The following ERMP1 variants were observed in gnomAD, a reference collection of about 807,000 sequenced individuals.
ERMP1 encodes endoplasmic reticulum metallopeptidase 1.
A neutral mutation model predicts 92.0 loss-of-function variants in ERMP1; 86 were observed. The ratio of observed to expected loss-of-function variants is 0.93; its 90% CI spans 0.79 to 1.12. ERMP1 has a LOEUF of 1.12. ERMP1 is among the 50% of genes most tolerant of loss of function. The pLI is 0.00. For synonymous variants in ERMP1, 530 were observed against 412.8 expected (o/e 1.28, Z -3.44); for missense variants, 1,342 against 1,116.3 (o/e 1.20, Z -2.88).
Position 5,832,872 on chromosome 9 carries a change from C to CA in ERMP1, c.155_156insT (p.Arg52SerfsTer6), listed in dbSNP as rs1363979269. ...TCGCGCCGCCGCTACCCCCGGGGCT[C>CA]CTCTTCCGCGTCCTCCCGCCGCCGC... On this transcript the variant is annotated frameshift_variant, in exon 1 of 15. Coordinates refer to ENST00000339450, the MANE Select transcript of ERMP1 (RefSeq NM_024896.3). LOFTEE classifies it high-confidence loss of function. 14 of 1,528,132 alleles carry CA rather than the reference C, an allele frequency of 9.2e-6. No individual in the cohort carries two copies. Among genetic ancestry groups the CA allele is most frequent in the Non-Finnish European group, 1.2e-5 (14 of 1,147,306 alleles). The allele number at this position is 1,528,132 out of a possible 1,614,324, so 94.7% of individuals were successfully genotyped here.
chr9:5,848,137 ACCTTTGAACGTATT>A, intron 6 of ERMP1, among the ~76,000 whole-genome samples: 2 of 152,250 alleles, frequency 1.3e-5, no homozygotes, highest in Middle Eastern at 3.4e-3. Flanking sequence ...AATCCACAAG[ACCTTTGAACGTATT>A]CCTTTACTTG....
chr9:5,853,315 T>C (rs529120111), intron 6 of ERMP1, among the ~76,000 whole-genome samples: 1 of 152,298 alleles, frequency 6.6e-6, no homozygotes, highest in East Asian at 1.9e-4. Flanking sequence ...TATTTCTCCA[T>C]TGCTTTCAGC....
At chr9:5,834,178 C>T (rs1424023956), upstream of ERMP1, among the ~76,000 whole-genome samples, 5 of 152,328 alleles carry the variant, frequency 3.3e-5, no homozygotes, top group East Asian at 3.9e-4. Flanking sequence ...ACTTCCTGCA[C>T]GCATCTTTCC....
chr9:5,794,373 A>C (rs1828327932), intron 13 of ERMP1, among the ~76,000 whole-genome samples: 1 of 152,110 alleles, frequency 6.6e-6, no homozygotes, highest in African/African-American at 2.4e-5. Context: ...CCACCTTAAT[A>C]AACTAAAAAA....
chr9:5,832,791 GAGCGCGA>G lies in ERMP1; in HGVS notation c.230_236del (p.Leu77ProfsTer3). ...CCAGCGTCCGCAGCGCGATCAGGTAGAGCGCGAGCCCCAGCGCGGCGCGCACCTCAGA... is the reference window on the plus strand; with the variant it reads ...CCAGCGTCCGCAGCGCGATCAGGTAGGCCCCAGCGCGGCGCGCACCTCAGA... On this transcript the variant is annotated frameshift_variant, in exon 1 of 15. Transcript: ENST00000339450. LOFTEE classifies it high-confidence loss of function. 1 of 1,502,320 alleles carries G rather than the reference GAGCGCGA, an allele frequency of 6.7e-7. No homozygotes were observed. The highest frequency in any genetic ancestry group is 8.8e-7 in the Non-Finnish European group (1 of 1,133,818). 93.1% of individuals were successfully genotyped at this position (1,502,320 alleles called of 1,614,324 possible). A position where few individuals can be genotyped will look rare whatever the true frequency, so the allele number is the denominator to read the frequency against.
chr9:5,859,804 G>A (rs187840104), intron 5 of ERMP1, among the ~76,000 whole-genome samples: 1 of 152,126 alleles, frequency 6.6e-6, no homozygotes, highest in Admixed American at 6.5e-5. Flanking sequence ...CTGAGTGACT[G>A]CTATTCCTCA....
intron 6 of ERMP1, among the ~76,000 whole-genome samples, chr9:5,850,118 C>T (rs4501637): frequency 5.9e-5 from 9 of 151,794 alleles, no homozygotes; most frequent in South Asian, 2.1e-4. Context: ...GGTCTCCCCC[C>T]CTTTACACTC....
chr9:5,818,095 G>A (rs1426810464), intron 4 of ERMP1, among the ~76,000 whole-genome samples: 1 of 151,500 alleles, frequency 6.6e-6, no homozygotes, highest in Non-Finnish European at 1.5e-5. Context: ...CCAGGAGCTG[G>A]AGAACTGTGA....
chr9:5,802,255 T>C lies in ERMP1; in HGVS notation c.1915-927A>G, dbSNP rs75736737. Among the ~76,000 whole-genome samples, 1,335 of 152,314 alleles carry C rather than the reference T, an allele frequency of 8.8e-3. 12 individuals carry two copies. Among genetic ancestry groups the C allele is most frequent in the Middle Eastern group, 0.02 (6 of 294 alleles). The stretch of plus-strand genomic sequence containing the variant: ...GTGTGACCTAAGGCTAGTACTGTTT[T>C]GCTGCAGATGCCTCTGGATGGAATA... On this transcript the variant is annotated intron_variant, in intron 10 of 14. Transcript: ENST00000339450.
chr9:5,861,354 A>G (rs1478160791), intron 5 of ERMP1, among the ~76,000 whole-genome samples: 1 of 152,026 alleles, frequency 6.6e-6, no homozygotes, highest in African/African-American at 2.4e-5. Flanking sequence ...TTAAGGAAAT[A>G]TATTCTACAC....
intron 6 of ERMP1, among the ~76,000 whole-genome samples, chr9:5,842,144 T>G (rs1289061337): frequency 2.6e-5 from 4 of 152,196 alleles, no homozygotes; most frequent in African/African-American, 9.7e-5. Context: ...GCAAGGGGAC[T>G]GGAGCAGGTT....
At chr9:5,825,064 C>A (rs1281994413) in intron 3 of ERMP1, 28 bp downstream of exon 3, 2 of 1,607,190 alleles carry the variant, frequency 1.2e-6, no homozygotes, top group East Asian at 2.2e-5. Flanking sequence ...CTTATTCAAG[C>A]CTGATATTTA....
In ERMP1 at chr9:5,805,197, C is replaced by T; in HGVS notation, c.1744G>A (p.Ala582Thr). 1 of 1,605,286 alleles carries T rather than the reference C, an allele frequency of 6.2e-7. No homozygotes were observed. Among genetic ancestry groups the T allele is most frequent in the South Asian group, 1.1e-5 (1 of 89,222 alleles). Residue 582 changes from alanine (A) to threonine (T), a missense_variant, in exon 10 of 15, where the codon GCT (alanine) becomes ACT (threonine). Coordinates refer to ENST00000339450, the MANE Select transcript of ERMP1 (RefSeq NM_024896.3). Reference protein sequence around the residue: ...KQHGAQGKFIAFYLLGMFIPY... With the variant: ...KQHGAQGKFITFYLLGMFIPY... ...ATAAACATCCCCAAAAGGTAAAAAG[C>T]AATAAATTTTCCTTGGGCACCTAGG...
chr9:5,790,738 A>G lies in ERMP1; in HGVS notation c.2387-3145T>C, dbSNP rs549197830. Among the ~76,000 whole-genome samples the G allele has an allele frequency of 3.9e-5, 6 of 152,380 alleles. No individual in the cohort carries two copies. In the East Asian group the frequency reaches 1.2e-3, roughly 29 times the overall value. The stretch of plus-strand genomic sequence containing the variant: ...GACATAAAATTGTGAATATCTATGC[A>G]TCAGATAACATAGCAACCACTTTAT... On this transcript the variant is annotated intron_variant, in intron 13 of 14. Transcript: ENST00000339450.
At chr9:5,800,899 T>A (rs543723557) in intron 11 of ERMP1, among the ~76,000 whole-genome samples, 62 of 152,374 alleles carry the variant, frequency 4.1e-4, no homozygotes, top group Middle Eastern at 6.8e-3. Context: ...AATAAATATT[T>A]GCTCCTGTTT....
intron 14 of ERMP1, 35 bp from the exon 15 acceptor site, chr9:5,787,343 A>G: frequency 1.2e-6 from 2 of 1,605,876 alleles, no homozygotes; most frequent in Non-Finnish European, 1.7e-6. Context: ...TCCAGTTCTC[A>G]GAAGCCAGAA....
chr9:5,864,001 C>T (rs1291455598), intron 5 of ERMP1, among the ~76,000 whole-genome samples: 2 of 152,092 alleles, frequency 1.3e-5, no homozygotes. Flanking sequence ...ATAAACATCA[C>T]CATACTGGAC....
At chr9:5,816,842 T>G (rs1040912147) in intron 4 of ERMP1, among the ~76,000 whole-genome samples, 1 of 151,588 alleles carries the variant, frequency 6.6e-6, no homozygotes, top group Non-Finnish European at 1.5e-5. Flanking sequence ...GTGTAGAATG[T>G]GCTATAGCTA....
chr9:5,800,789 A>G (rs2131218209), intron 11 of ERMP1, among the ~76,000 whole-genome samples: 1 of 152,314 alleles, frequency 6.6e-6, no homozygotes, highest in African/African-American at 2.4e-5. Context: ...TTTTACTAGC[A>G]CTTCTAAACA....
Sources: gnomAD v4.1 joint callset for allele counts (sites outside exome capture counted in the v4.1 genomes callset) on GRCh38, gnomAD v4.1.1 for gene constraint, MANE v1.5 for transcripts, NCBI Gene and HGNC (gene_info 2026-07-23, HGNC 2026-07-21) for gene names.